NHS: variants seen among roughly 807,000 people sequenced by gnomAD.
NHS encodes NHS actin remodeling regulator, also known as actin remodeling regulator NHS.
Under a neutral mutation model 72.5 loss-of-function variants are expected in NHS, and 5 were observed. That is an observed-to-expected ratio of 0.07 (90% CI 0.04 to 0.14). The LOEUF (loss-of-function observed/expected upper bound fraction) is 0.14. Ranked by LOEUF, NHS falls within the 10% of genes least tolerant of loss-of-function variation. NHS has a pLI of 1.00. For synonymous variants in NHS, 464 were observed against 547.7 expected (o/e 0.85, Z 2.13); for missense variants, 1,072 against 1,355.7 (o/e 0.79, Z 3.29).
At chrX:17,569,735 T>G (rs1293381619) in intron 1 of NHS, among the ~76,000 whole-genome samples, 1 of 111,932 alleles carries the variant, frequency 8.9e-6, no homozygotes, top group East Asian at 2.8e-4. Context: ...AGACATGAAG[T>G]CCTTGCCCGT....
chrX:17,505,503 C>A (rs190581912), intron 1 of NHS, among the ~76,000 whole-genome samples: 36 of 111,736 alleles, frequency 3.2e-4, no homozygotes, highest in African/African-American at 1.1e-3. Context: ...TCCGAAATAG[C>A]TGATACAAGT....
chrX:17,515,626 G>T (rs1343393844), intron 1 of NHS, among the ~76,000 whole-genome samples: 1 of 111,771 alleles, frequency 8.9e-6, no homozygotes, highest in African/African-American at 3.3e-5. Flanking sequence ...AACCTTTTAG[G>T]ATCCTTTAAA....
chrX:17,518,801 G>A (rs1218211721), intron 1 of NHS, among the ~76,000 whole-genome samples: 2 of 111,830 alleles, frequency 1.8e-5, no homozygotes, highest in East Asian at 5.6e-4. Flanking sequence ...CTGAGATTCT[G>A]ATATAGTTGA....
intron 1 of NHS, among the ~76,000 whole-genome samples, chrX:17,472,659 TC>T (rs1299155155): frequency 8.9e-6 from 1 of 112,279 alleles, no homozygotes; most frequent in Non-Finnish European, 1.9e-5. Context: ...CAGGAAATGT[TC>T]CCTGCAAATC....
At chrX:17,472,122 A>G (rs1206851738) in intron 1 of NHS, among the ~76,000 whole-genome samples, 2 of 111,465 alleles carry the variant, frequency 1.8e-5, no homozygotes, top group Non-Finnish European at 3.8e-5. Flanking sequence ...TGATTTTCCT[A>G]GGAAGTCTCC....
chrX:17,676,757 T>C (rs1362837266), intron 1 of NHS, among the ~76,000 whole-genome samples: 3 of 112,392 alleles, frequency 2.7e-5, no homozygotes, highest in South Asian at 3.7e-4. Context: ...AAATGTTTCA[T>C]GACTTGGTGA....
intron 1 of NHS, among the ~76,000 whole-genome samples, chrX:17,538,748 G>C: frequency 8.9e-6 from 1 of 112,083 alleles, no homozygotes; most frequent in Non-Finnish European, 1.9e-5. Flanking sequence ...ACCTTTCTGA[G>C]GCCAGGAAAG....
intron 3 of NHS, among the ~76,000 whole-genome samples, chrX:17,693,460 T>C (rs1038727932): frequency 2.7e-5 from 3 of 112,201 alleles, no homozygotes; most frequent in African/African-American, 9.7e-5. Context: ...ATAGTGTGGG[T>C]ACGAGTTAAG....
intron 1 of NHS, among the ~76,000 whole-genome samples, chrX:17,414,273 C>T (rs2146861026): frequency 8.9e-6 from 1 of 112,313 alleles, no homozygotes; most frequent in East Asian, 2.8e-4. Context: ...AATCCCAGTA[C>T]AAGGCAGCAG....
intron 1 of NHS, among the ~76,000 whole-genome samples, chrX:17,388,486 A>G (rs2064422160): frequency 9.0e-6 from 1 of 110,565 alleles, no homozygotes; most frequent in African/African-American, 3.3e-5. Context: ...TGCTGGAGGA[A>G]GAGTGTTCCA....
At chrX:17,688,561 C>T (rs961005514) in intron 2 of NHS, among the ~76,000 whole-genome samples, 4 of 111,341 alleles carry the variant, frequency 3.6e-5, no homozygotes, top group Non-Finnish European at 7.5e-5. Context: ...AACCAGTGAT[C>T]GGTCTAATGC....
intron 1 of NHS, among the ~76,000 whole-genome samples, chrX:17,666,960 G>T (rs1388207945): frequency 8.9e-6 from 1 of 112,127 alleles, no homozygotes; most frequent in African/African-American, 3.2e-5. Context: ...TGCTGAGAAA[G>T]CTGGGAAATA....
chrX:17,453,115 A>G (rs1000953707), intron 1 of NHS, among the ~76,000 whole-genome samples: 1 of 111,373 alleles, frequency 9.0e-6, no homozygotes, highest in Non-Finnish European at 1.9e-5. Context: ...TCAGAATGTT[A>G]TTTCAATATT....
At chrX:17,560,892 G>T (rs1192265650) in intron 1 of NHS, among the ~76,000 whole-genome samples, 1 of 112,437 alleles carries the variant, frequency 8.9e-6, no homozygotes, top group Non-Finnish European at 1.9e-5. Context: ...CCCACCCAAA[G>T]GCCCTTTTCT....
chrX:17,425,576 G>C (rs868106206), intron 1 of NHS, among the ~76,000 whole-genome samples: 1 of 58,987 alleles, frequency 1.7e-5, no homozygotes, highest in East Asian at 5.7e-4. Context: ...AAAAAAGAAA[G>C]AAAGAAAGAA....
chrX:17,690,015 G>C (rs954816691), intron 2 of NHS, among the ~76,000 whole-genome samples: 3 of 111,262 alleles, frequency 2.7e-5, no homozygotes, highest in African/African-American at 9.8e-5. Context: ...CCTGTGGGGC[G>C]GTGAGAGAGG....
intron 1 of NHS, among the ~76,000 whole-genome samples, chrX:17,682,270 G>C (rs187389095): frequency 8.9e-6 from 1 of 112,166 alleles, no homozygotes; most frequent in East Asian, 2.8e-4. Context: ...CTACCAAGCT[G>C]ATGGCTCCTG....
chrX:17,457,350 CCTCGGTAAGCTTCTA>C (rs2064829449), intron 1 of NHS, among the ~76,000 whole-genome samples: 1 of 111,646 alleles, frequency 9.0e-6, no homozygotes, highest in African/African-American at 3.3e-5. Flanking sequence ...CTGGTGAGCA[CCTCGGTAAGCTTCTA>C]CTCGTAGTGG....
At chrX:17,440,766 T>C (rs2064748694) in intron 1 of NHS, among the ~76,000 whole-genome samples, 1 of 112,110 alleles carries the variant, frequency 8.9e-6, no homozygotes, top group African/African-American at 3.2e-5. Context: ...AGCAACCCCT[T>C]TCCTTTTTGG....
Sources: gnomAD v4.1 joint callset for allele counts (sites outside exome capture counted in the v4.1 genomes callset) on GRCh38, gnomAD v4.1.1 for gene constraint, MANE v1.5 for transcripts, NCBI Gene and HGNC (gene_info 2026-07-23, HGNC 2026-07-21) for gene names.